PRKG1: variants seen among roughly 807,000 people sequenced by gnomAD.
The protein encoded by PRKG1 is cGMP-dependent protein kinase 1.
PRKG1 carries 35 observed loss-of-function variants against 88.1 expected under a neutral mutation model. The observed-to-expected ratio is 0.40, with a 90% CI of 0.30 to 0.53. The LOEUF (loss-of-function observed/expected upper bound fraction) is 0.53. PRKG1 is among the 20% of genes least tolerant of loss of function. The pLI is 0.59. For missense variants in PRKG1, 540 were observed against 839.8 expected (o/e 0.64, Z 4.41); for synonymous variants, 303 against 292.5 (o/e 1.04, Z -0.37).
intron 9 of PRKG1, among the ~76,000 whole-genome samples, chr10:52,166,778 T>G (rs1282327245): frequency 2.1e-5 from 3 of 139,948 alleles, no homozygotes; most frequent in East Asian, 4.1e-4. Flanking sequence ...TTTCTTCAAA[T>G]AAAAAAGCCT....
chr10:51,987,262 G>A (rs890200254), intron 5 of PRKG1, among the ~76,000 whole-genome samples: 14 of 151,642 alleles, frequency 9.2e-5, no homozygotes, highest in African/African-American at 3.4e-4. Context: ...AATGATGTAT[G>A]TACTTTTGTG....
At chr10:51,097,068 C>T (rs1411813743) in intron 1 of PRKG1, among the ~76,000 whole-genome samples, 1 of 152,166 alleles carries the variant, frequency 6.6e-6, no homozygotes, top group Non-Finnish European at 1.5e-5. Context: ...AATGTTAGGT[C>T]TCAGCCTAGC....
chr10:51,940,230 G>A (rs561891119), intron 5 of PRKG1, among the ~76,000 whole-genome samples: 1 of 151,676 alleles, frequency 6.6e-6, no homozygotes, highest in East Asian at 1.9e-4. Context: ...AAACATTTGG[G>A]ACTCTGTCTT....
At chr10:51,147,752 G>A (rs1298303111) in intron 1 of PRKG1, among the ~76,000 whole-genome samples, 1 of 152,080 alleles carries the variant, frequency 6.6e-6, no homozygotes, top group African/African-American at 2.4e-5. Flanking sequence ...GCTAATTATA[G>A]GTCTGAATTT....
chr10:51,333,071 A>G (rs1221566268), intron 2 of PRKG1, among the ~76,000 whole-genome samples: 2 of 152,240 alleles, frequency 1.3e-5, no homozygotes, highest in Admixed American at 6.5e-5. Flanking sequence ...GTGGGTGGAC[A>G]TCATGGTCTT....
chr10:51,310,878 T>C (rs1189280846), intron 2 of PRKG1, among the ~76,000 whole-genome samples: 1 of 152,230 alleles, frequency 6.6e-6, no homozygotes, highest in Non-Finnish European at 1.5e-5. Flanking sequence ...TGGTTGGTGC[T>C]GGGAAAGACA....
At chr10:52,017,278 G>T (rs1037038888) in intron 5 of PRKG1, among the ~76,000 whole-genome samples, 1 of 152,130 alleles carries the variant, frequency 6.6e-6, no homozygotes, top group Non-Finnish European at 1.5e-5. Context: ...GCATTATGGA[G>T]ATTTTACTGT....
At chr10:51,319,987 A>G in intron 2 of PRKG1, 1 of 232,242 alleles carries the variant, frequency 4.3e-6, no homozygotes, top group Non-Finnish European at 9.4e-6. Flanking sequence ...ACAAGCTCAC[A>G]GTGGTGCCAC....
At chr10:51,122,870 C>T (rs769230999) in intron 1 of PRKG1, among the ~76,000 whole-genome samples, 9 of 152,298 alleles carry the variant, frequency 5.9e-5, no homozygotes, top group Middle Eastern at 3.4e-3. Context: ...CTTCCTGTCT[C>T]AGTAAATGCT....
chr10:51,020,960 AC>A (rs1399950897), intron 1 of PRKG1, among the ~76,000 whole-genome samples: 1 of 152,150 alleles, frequency 6.6e-6, no homozygotes, highest in African/African-American at 2.4e-5. Context: ...TGGAGTCCAT[AC>A]TTGTAGTTTA....
intron 3 of PRKG1, among the ~76,000 whole-genome samples, chr10:51,764,919 G>C (rs1362350425): frequency 6.6e-6 from 1 of 152,160 alleles, no homozygotes; most frequent in Non-Finnish European, 1.5e-5. Context: ...ACAGCAAGAA[G>C]GCATGTTTCA....
At chr10:52,050,479 T>C (rs1845963445) in intron 5 of PRKG1, among the ~76,000 whole-genome samples, 1 of 152,162 alleles carries the variant, frequency 6.6e-6, no homozygotes, top group African/African-American at 2.4e-5. Flanking sequence ...GGCATTTGAT[T>C]AACATAATTA....
intron 3 of PRKG1, among the ~76,000 whole-genome samples, chr10:51,686,485 C>T (rs1274801961): frequency 6.6e-6 from 1 of 152,194 alleles, no homozygotes; most frequent in African/African-American, 2.4e-5. Context: ...GCTCAACTAG[C>T]TTGCTTGTGT....
intron 4 of PRKG1, among the ~76,000 whole-genome samples, chr10:51,850,861 A>G (rs1840535732): frequency 6.6e-6 from 1 of 152,178 alleles, no homozygotes; most frequent in Non-Finnish European, 1.5e-5. Flanking sequence ...GGAAACAGGT[A>G]TTCTCATGCG....
intron 3 of PRKG1, among the ~76,000 whole-genome samples, chr10:51,767,737 CTGTTT>C (rs1838204836): frequency 6.6e-6 from 1 of 152,010 alleles, no homozygotes; most frequent in Non-Finnish European, 1.5e-5. Context: ...ATCAGTAGTT[CTGTTT>C]TATCTTCCTT....
intron 8 of PRKG1, among the ~76,000 whole-genome samples, chr10:52,135,036 C>A (rs912867821): frequency 6.6e-6 from 1 of 152,062 alleles, no homozygotes. Flanking sequence ...TTCAAAGGAG[C>A]AGCACAGATG....
At chr10:51,081,355 T>C (rs1190490591) in intron 1 of PRKG1, among the ~76,000 whole-genome samples, 1 of 152,130 alleles carries the variant, frequency 6.6e-6, no homozygotes, top group Non-Finnish European at 1.5e-5. Context: ...AGTAAATAGG[T>C]GACAAGACTG....
At chr10:52,198,400 G>A (rs1044000327) in intron 9 of PRKG1, among the ~76,000 whole-genome samples, 2 of 152,122 alleles carry the variant, frequency 1.3e-5, no homozygotes, top group African/African-American at 2.4e-5. Flanking sequence ...AATGGCATAC[G>A]CAGTGTAATC....
chr10:52,174,783 C>T (rs933814645), intron 9 of PRKG1, among the ~76,000 whole-genome samples: 1 of 151,852 alleles, frequency 6.6e-6, no homozygotes, highest in African/African-American at 2.4e-5. Context: ...AGATAATGTT[C>T]AAAAATAGTA....
Sources: allele counts gnomAD v4.1 joint callset (sites outside exome capture counted in the v4.1 genomes callset), GRCh38; gene constraint gnomAD v4.1.1; transcripts MANE v1.5; gene names NCBI Gene and HGNC (gene_info 2026-07-23, HGNC 2026-07-21).